EXOC1: variants seen among roughly 807,000 people sequenced by gnomAD.
EXOC1 encodes the protein exocyst complex component 1.
In EXOC1, 67 loss-of-function variants were observed where a neutral mutation model predicts 107.7. The observed-to-expected ratio is 0.62, with a 90% CI of 0.51 to 0.76. The LOEUF (loss-of-function observed/expected upper bound fraction) is 0.76. EXOC1 is among the 30% of genes least tolerant of loss of function. The pLI, the probability that EXOC1 is intolerant of heterozygous loss-of-function variation, is 0.00. For synonymous variants in EXOC1, 348 were observed against 353.5 expected, an observed-to-expected ratio of 0.98 and a Z score of 0.17; for missense variants, 833 against 1,055.7, an observed-to-expected ratio of 0.79 and a Z score of 2.92.
intron 10 of EXOC1, among the ~76,000 whole-genome samples, chr4:55,886,754 G>T (rs1317180929): frequency 2.6e-5 from 4 of 151,766 alleles, no homozygotes; most frequent in Non-Finnish European, 5.9e-5. Context: ...GAAAATTCTG[G>T]GTCACAAATG....
chr4:55,875,475 T>C, intron 8 of EXOC1: 1 of 980,652 alleles, frequency 1.0e-6, no homozygotes, highest in South Asian at 4.7e-5. Flanking sequence ...AAAAAGTCAC[T>C]ATAGCAAAGT....
intron 1 of EXOC1, among the ~76,000 whole-genome samples, chr4:55,854,756 G>A (rs1720803775): frequency 6.6e-6 from 1 of 152,178 alleles, no homozygotes. Flanking sequence ...AGCCAGAGAA[G>A]GAGTATGTGG....
At position 55,890,294 on chromosome 4, in the gene EXOC1, G is replaced by A; in HGVS notation, c.1447G>A (p.Gly483Arg). The change falls in exon 12 of 19, where the codon GGG (glycine) becomes AGG (arginine). Residue 483 changes from glycine to arginine, a missense_variant. Physicochemically the swap from Gly to Arg is moderately radical, Grantham distance 125. Coordinates refer to ENST00000381295, the MANE Select transcript of EXOC1 (RefSeq NM_001024924.2). ...AAATAAGCTCAGTGTTCAGAGTTCA[G>A]GGAATCGCAGATCTCAGTCATCTTC... ...SLNKLSVQSS[G>R]NRRSQSSSLL... The A allele has an allele frequency of 6.2e-7, 1 of 1,614,004 alleles. No homozygotes were observed. Among genetic ancestry groups the A allele is most frequent in the Non-Finnish European group, 8.5e-7 (1 of 1,179,940 alleles).
chr4:55,865,147 T>C (rs1348139138), intron 4 of EXOC1, among the ~76,000 whole-genome samples: 3 of 152,222 alleles, frequency 2.0e-5, no homozygotes, highest in African/African-American at 4.8e-5. Context: ...TTAGCTATTA[T>C]TATGTTACCA....
intron 16 of EXOC1, among the ~76,000 whole-genome samples, chr4:55,899,008 G>A (rs1725575580): frequency 6.6e-6 from 1 of 152,080 alleles, no homozygotes; most frequent in African/African-American, 2.4e-5. Flanking sequence ...TCAGTTTAGT[G>A]CTATGAGCAG....
Position 55,871,175 on chromosome 4 carries a change from G to A in EXOC1, c.906G>A (p.Glu302=), listed in dbSNP as rs371142509. The A allele has an allele frequency of 3.7e-6, 6 of 1,613,760 alleles. No homozygotes were observed. Among genetic ancestry groups the A allele is most frequent in the Non-Finnish European group, 5.1e-6 (6 of 1,179,876 alleles). ...EGDLASSRGI[E]ACTNAADALL... ...ATCTTGCTTCTTCCAGAGGCATTGAGGCCTGCACCAATGCTGCTGATGCCC... is the reference window on the plus strand; with the variant it reads ...ATCTTGCTTCTTCCAGAGGCATTGAAGCCTGCACCAATGCTGCTGATGCCC... Residue 302 remains glutamate (E), a synonymous_variant, in exon 7 of 19, where the codon GAG becomes GAA. Coordinates refer to ENST00000381295, the MANE Select transcript of EXOC1 (RefSeq NM_001024924.2).
intron 8 of EXOC1, among the ~76,000 whole-genome samples, chr4:55,873,149 G>C (rs1409754466): frequency 6.6e-6 from 1 of 151,854 alleles, no homozygotes; most frequent in Admixed American, 6.6e-5. Context: ...CATTAACTTG[G>C]GATAAATGAG....
At chr4:55,897,541 T>A (rs538266539) in intron 16 of EXOC1, among the ~76,000 whole-genome samples, 5 of 152,174 alleles carry the variant, frequency 3.3e-5, no homozygotes, top group Non-Finnish European at 5.9e-5. Context: ...ACAATTAAGT[T>A]ACAGAAAAGT....
Position 55,899,759 on chromosome 4 carries a change from G to T in EXOC1, c.2212G>T (p.Ala738Ser). The T allele has an allele frequency of 6.2e-7, 1 of 1,613,594 alleles. No individual in the cohort carries two copies. The highest frequency in any genetic ancestry group is 8.5e-7 in the Non-Finnish European group (1 of 1,179,754). ...GATGGAAAACTTTCACCATATTTTT[G>T]CAACTCTTTCTCGATTGAAAATCTC... ...VMMENFHHIFATLSRLKISCL... is the reference protein window; with the variant it reads ...VMMENFHHIFSTLSRLKISCL... The change falls in exon 17 of 19, where the codon GCA becomes TCA. Residue 738 changes from alanine to serine, a missense_variant. By Grantham distance (99) the Ala-to-Ser change is moderately conservative. This residue lies in a region of EXOC1 where 216 missense variants were observed against 354.4 expected (regional missense o/e 0.61). Transcript: ENST00000381295.
In EXOC1 at chr4:55,878,047, A is replaced by G; in HGVS notation, c.1205A>G (p.Lys402Arg). ...TGGCTAAAGAGTACAGATTATGGAA[A>G]ATATGAAGGACTAACAAAGGTATGG... ...MEWLKSTDYG[K>R]YEGLTKNYMD... Residue 402 changes from lysine to arginine, a missense_variant, in exon 9 of 19, where the codon AAA (lysine) becomes AGA (arginine). By Grantham distance (26) the Lys-to-Arg change is conservative. This residue lies in a region of EXOC1 where 617 missense variants were observed against 701.3 expected (regional missense o/e 0.88). Transcript: ENST00000381295. 6.2e-7 allele frequency: 1 copy of G among 1,613,306 alleles called. No individual in the cohort carries two copies. The highest frequency in any genetic ancestry group is 8.5e-7 in the Non-Finnish European group (1 of 1,179,644).
At chr4:55,898,778 A>G (rs1577785242) in intron 16 of EXOC1, among the ~76,000 whole-genome samples, 2 of 152,316 alleles carry the variant, frequency 1.3e-5, no homozygotes, top group East Asian at 3.8e-4. Context: ...TAGTTAATAT[A>G]GATAAACATA....
rs372458863 is a variant in EXOC1 at position 55,889,360 on chromosome 4, A to G, written c.1375+428A>G. 2.0e-5 allele frequency among the ~76,000 whole-genome samples: 3 copies of G among 152,296 alleles called. No individual in the cohort carries two copies. In the South Asian group the frequency reaches 6.2e-4, roughly 32 times the overall value. On this transcript the variant is annotated intron_variant, in intron 11 of 18. Coordinates refer to ENST00000381295, the MANE Select transcript of EXOC1 (RefSeq NM_001024924.2). ...TTCAGGAAGGATGTTTTTAAAATATATTAGTTATTGTTTATGTTTAATTCT... is the reference window on the plus strand; with the variant it reads ...TTCAGGAAGGATGTTTTTAAAATATGTTAGTTATTGTTTATGTTTAATTCT...
chr4:55,882,084 A>G (rs1723436883), intron 9 of EXOC1, among the ~76,000 whole-genome samples: 1 of 139,514 alleles, frequency 7.2e-6, no homozygotes, highest in Non-Finnish European at 1.5e-5. Flanking sequence ...AAAATTTAAA[A>G]CTTACCATAG....
intron 5 of EXOC1, 55 bp from the exon 6 acceptor site, chr4:55,870,623 A>C: frequency 8.3e-7 from 1 of 1,205,624 alleles, no homozygotes. Flanking sequence ...AATAACAAGT[A>C]TGTTTTTTGT....
intron 3 of EXOC1, among the ~76,000 whole-genome samples, chr4:55,862,454 A>C (rs979179185): frequency 2.6e-5 from 4 of 152,118 alleles, no homozygotes; most frequent in Non-Finnish European, 5.9e-5. Flanking sequence ...CCACTGGAGC[A>C]CTCAGCTTCT....
Position 55,856,080 on chromosome 4 carries a change from C to T in EXOC1, c.-11+2127C>T, listed in dbSNP as rs750036936. On this transcript the variant is annotated intron_variant, in intron 1 of 18. Transcript: ENST00000381295. ...GATTTACAACAATAGTCATGGGGAA[C>T]GGAAAAAGGAATCATCAAATGAGGG... is the stretch of plus-strand genomic sequence containing the variant. 5.3e-5 allele frequency among the ~76,000 whole-genome samples: 8 copies of T among 152,120 alleles called. No individual in the cohort carries two copies. The South Asian group carries it at 6.2e-4, about 12-fold the overall frequency.
Position 55,877,979 on chromosome 4 carries a change from T to C in EXOC1, c.1137T>C (p.His379=). 6.2e-7 allele frequency: 1 copy of C among 1,613,920 alleles called. No homozygotes were observed. Among genetic ancestry groups the C allele is most frequent in the South Asian group, 1.1e-5 (1 of 91,066 alleles). The change falls in exon 9 of 19, where the codon CAT becomes CAC. Residue 379 remains histidine (H), a synonymous_variant. Coordinates refer to ENST00000381295, the MANE Select transcript of EXOC1 (RefSeq NM_001024924.2). ...TTGAACTGACTTTACCCAATCATCA[T>C]CCATTTCATAGAGATTTGCTCCGAT... ...HSVELTLPNH[H]PFHRDLLRYA...
At chr4:55,875,420 C>A (rs1722806865) in intron 8 of EXOC1, 1 of 981,274 alleles carries the variant, frequency 1.0e-6, no homozygotes, top group Admixed American at 6.2e-5. Context: ...AGTTCCAAAT[C>A]TTGAAAATTT....
In EXOC1 at chr4:55,890,243, A is replaced by G. The variant is rs781450824; in HGVS notation, c.1396A>G (p.Lys466Glu). ...CTTAGGTCTTCATGGAAGTTCGGGG[A>G]AATTAACTGGATCTACTTCTAGTCT... ...ETESLHGSSG[K>E]LTGSTSSLNK... Residue 466 changes from lysine (K) to glutamate (E), a missense_variant, in exon 12 of 19, where the codon AAA becomes GAA. Lys to Glu is a moderately conservative substitution (Grantham distance 56). Around this residue, in one of 2 missense-constraint regions of EXOC1, gnomAD observed 617 missense variants for 701.3 expected, o/e 0.88. Transcript: ENST00000381295. 1.2e-6 allele frequency: 2 copies of G among 1,613,952 alleles called. No individual in the cohort carries two copies. Among genetic ancestry groups the G allele is most frequent in the Non-Finnish European group, 1.7e-6 (2 of 1,179,928 alleles).
Sources: gnomAD v4.1 joint callset for allele counts (sites outside exome capture counted in the v4.1 genomes callset) on GRCh38, gnomAD v4.1.1 for gene constraint, gnomAD v4.1.1 regional missense constraint, MANE v1.5 for transcripts, NCBI Gene and HGNC (gene_info 2026-07-23, HGNC 2026-07-21) for gene names.